Variants in MAST4 observed in about 807,000 individuals in gnomAD.
MAST4 encodes microtubule-associated serine/threonine-protein kinase 4.
Under a neutral mutation model 162.7 loss-of-function variants are expected in MAST4, and 89 were observed. The observed-to-expected ratio is 0.55, with a 90% CI of 0.46 to 0.65. The LOEUF is 0.65. Among genes scored for constraint, MAST4 ranks in the 30% least tolerant of loss-of-function variants. The probability of loss-of-function intolerance (pLI) is 0.00; values close to 1 mark genes in which losing one functional copy is unlikely to be tolerated. For synonymous variants in MAST4, 1,479 were observed against 1,361.1 expected (o/e 1.09, Z -1.91); for missense variants, 3,153 against 3,374.0 (o/e 0.93, Z 1.62).
intron 5 of MAST4, among the ~76,000 whole-genome samples, chr5:67,088,969 T>C (rs1763548800): frequency 6.6e-6 from 1 of 152,256 alleles, no homozygotes; most frequent in South Asian, 2.1e-4. Context: ...AGTCTATTCT[T>C]TCTGCACACT....
chr5:67,093,642 G>A lies in MAST4; in HGVS notation c.834-1955G>A, dbSNP rs745940388. ...TGTGTGTTTTCTGGAGCAAGCAAAT[G>A]TAATTTATGCTTCAGAACTAATAAG... On this transcript the variant is annotated intron_variant, in intron 6 of 28. Coordinates refer to ENST00000403625, the MANE Select transcript of MAST4 (RefSeq NM_001164664.2). 8.6e-6 allele frequency: 4 copies of A among 465,210 alleles called. No homozygotes were observed. The East Asian group carries it at 2.5e-4, about 29-fold the overall frequency. 28.8% of individuals were successfully genotyped at this position (465,210 alleles called of 1,614,324 possible). A position where few individuals can be genotyped will look rare whatever the true frequency, so the allele number is the denominator to read the frequency against.
intron 3 of MAST4, among the ~76,000 whole-genome samples, chr5:66,816,646 C>T (rs1489705549): frequency 2.0e-5 from 3 of 152,052 alleles, no homozygotes; most frequent in African/African-American, 7.2e-5. Flanking sequence ...GAGCCAGGCC[C>T]ACTGTACCCC....
At chr5:66,792,215 T>C (rs1232791036) in intron 3 of MAST4, 1 of 167,874 alleles carries the variant, frequency 6.0e-6, no homozygotes, top group Non-Finnish European at 1.5e-5. Flanking sequence ...TCAAACAAAT[T>C]GACATTTGCG....
chr5:67,166,325 A>G lies in MAST4; in HGVS notation c.7146A>G (p.Ala2382=). The G allele has an allele frequency of 6.3e-7, 1 of 1,593,746 alleles. No individual in the cohort carries two copies. Among genetic ancestry groups the G allele is most frequent in the Non-Finnish European group, 8.5e-7 (1 of 1,169,690 alleles). ...GCACTGAAGCACTTTATGCTCCAGC[A>G]GAGGGCGACAAGCTCGAGGCCGGCC... ...KKCTEALYAP[A]EGDKLEAGLS... Residue 2382 remains alanine, a synonymous_variant, in exon 29 of 29, where the codon GCA becomes GCG. Transcript: ENST00000403625.
intron 7 of MAST4, among the ~76,000 whole-genome samples, chr5:67,095,976 A>G (rs1764419202): frequency 6.6e-6 from 1 of 151,756 alleles, no homozygotes; most frequent in Non-Finnish European, 1.5e-5. Flanking sequence ...AACACAATCT[A>G]GTTTTATTGC....
intron 1 of MAST4, among the ~76,000 whole-genome samples, chr5:66,686,896 A>G (rs1748695084): frequency 1.3e-5 from 2 of 152,184 alleles, no homozygotes; most frequent in African/African-American, 4.8e-5. Context: ...TAAGAGTATC[A>G]CCATTGTATG....
intron 4 of MAST4, among the ~76,000 whole-genome samples, chr5:66,938,740 T>G (rs1033839461): frequency 2.0e-5 from 3 of 152,204 alleles, no homozygotes; most frequent in Non-Finnish European, 4.4e-5. Flanking sequence ...AGAGCATGTG[T>G]TCTCAGTAGG....
intron 4 of MAST4, among the ~76,000 whole-genome samples, chr5:66,903,384 G>A (rs1311151381): frequency 1.7e-5 from 2 of 115,582 alleles, no homozygotes; most frequent in Non-Finnish European, 3.5e-5. Flanking sequence ...AAGTATTTAT[G>A]TAGATTTTTA....
In MAST4 at chr5:66,596,962, G is replaced by C. The variant is rs1404297617; in HGVS notation, c.307G>C (p.Ala103Pro). Residue 103 changes from alanine to proline, a missense_variant, in exon 1 of 29, where the codon GCT becomes CCT. Physicochemically the swap from Ala to Pro is conservative, Grantham distance 27. Around this residue, in one of 7 missense-constraint regions of MAST4, gnomAD observed 327 missense variants for 336.5 expected, o/e 0.97. Coordinates refer to ENST00000403625, the MANE Select transcript of MAST4 (RefSeq NM_001164664.2). Reference sequence around the variant, plus strand: ...GCTGCCGCCGCCGCTTCCCGGAGGAGCTGTGCCGCCCGCGCCCCGGGGCAG... The same window carrying C: ...GCTGCCGCCGCCGCTTCCCGGAGGACCTGTGCCGCCCGCGCCCCGGGGCAG... ...LALPPPLPGG[A>P]VPPAPRGSSA... 1.4e-6 allele frequency: 2 copies of C among 1,441,840 alleles called. No homozygotes were observed. The highest frequency in any genetic ancestry group is 3.0e-5 in the East Asian group (1 of 32,990). 89.3% of individuals were successfully genotyped at this position (1,441,840 alleles called of 1,614,324 possible).
chr5:66,753,141 C>T (rs1435054418), intron 1 of MAST4, among the ~76,000 whole-genome samples: 11 of 152,036 alleles, frequency 7.2e-5, no homozygotes, highest in Admixed American at 5.9e-4. Context: ...CTCTGGGACG[C>T]ATTCAAAGCA....
rs568703560 is a variant in MAST4, at chr5:67,103,786, G to A, written c.1147-580G>A. On this transcript the variant is annotated intron_variant, in intron 9 of 28. Coordinates refer to ENST00000403625, the MANE Select transcript of MAST4 (RefSeq NM_001164664.2). ...GGTTGTGGAACTCTAGCAACAACCT[G>A]ATGTTTAAGTACAAAAACATAAAGA... Among the ~76,000 whole-genome samples the A allele has an allele frequency of 2.6e-5, 4 of 152,304 alleles. No homozygotes were observed. The East Asian group carries it at 7.7e-4, about 29-fold the overall frequency.
intron 1 of MAST4, among the ~76,000 whole-genome samples, chr5:66,731,404 A>G (rs1751844123): frequency 6.6e-6 from 1 of 152,208 alleles, no homozygotes; most frequent in Non-Finnish European, 1.5e-5. Flanking sequence ...AGAGCATCCA[A>G]TGAGATGGCA....
intron 1 of MAST4, among the ~76,000 whole-genome samples, chr5:66,634,372 T>TC (rs1744973191): frequency 6.6e-6 from 1 of 151,960 alleles, no homozygotes; most frequent in Admixed American, 6.6e-5. Flanking sequence ...GTTTGTTTTT[T>TC]CTTAGGAACA....
At position 66,596,811 on chromosome 5, in the gene MAST4, G is replaced by A. The variant is rs763121872; in HGVS notation, c.156G>A (p.Gly52=). 1.5e-6 allele frequency: 2 copies of A among 1,320,568 alleles called. No homozygotes were observed. The highest frequency in any genetic ancestry group is 9.7e-7 in the Non-Finnish European group (1 of 1,032,920). The allele number at this position is 1,320,568 out of a possible 1,614,324, so 81.8% of individuals were successfully genotyped here. Residue 52 remains glycine (G), a synonymous_variant, in exon 1 of 29, where the codon GGG becomes GGA. Transcript: ENST00000403625. ...GCTCAGAAACTCTGTCGGAGGAAGG[G>A]GAGCCCGGCGGCTTCTCCAGAGAGC... ...SSGSETLSEE[G]EPGGFSREHQ...
chr5:67,081,441 ATGAT>A (rs910191625), intron 5 of MAST4, among the ~76,000 whole-genome samples: 28 of 152,106 alleles, frequency 1.8e-4, no homozygotes, highest in African/African-American at 6.5e-4. Context: ...TCGAACTAGT[ATGAT>A]TGAGACAAGG....
At chr5:66,826,835 C>G (rs1181254594) in intron 3 of MAST4, among the ~76,000 whole-genome samples, 11 of 152,194 alleles carry the variant, frequency 7.2e-5, no homozygotes, top group Non-Finnish European at 1.0e-4. Context: ...AGCAATGACA[C>G]TGTAAGCTGG....
chr5:66,600,631 A>G (rs1742493014), intron 1 of MAST4, among the ~76,000 whole-genome samples: 1 of 152,246 alleles, frequency 6.6e-6, no homozygotes, highest in South Asian at 2.1e-4. Flanking sequence ...ACCTGTGTGT[A>G]TTCATTGATT....
Position 67,104,388 on chromosome 5 carries a change from G to A in MAST4, c.1169G>A (p.Arg390His), listed in dbSNP as rs767646900. ...TAGGCTACAGCTCAGATGGAAGAAC[G>A]TCTAAAGGAAATTATCACCAGCTAC... The part of the protein sequence containing the change: ...FPKATAQMEE[R>H]LKEIITSYSP... Residue 390 changes from arginine to histidine, a missense_variant, in exon 10 of 29, where the codon CGT (arginine) becomes CAT (histidine). Around this residue, in one of 7 missense-constraint regions of MAST4, gnomAD observed 360 missense variants for 450.0 expected, o/e 0.80. Coordinates refer to ENST00000403625, the MANE Select transcript of MAST4 (RefSeq NM_001164664.2). 14 of 1,613,576 alleles carry A rather than the reference G, an allele frequency of 8.7e-6. No individual in the cohort carries two copies. The Admixed American group carries it at 1.8e-4, about 21-fold the overall frequency.
At chr5:66,977,241 C>T (rs1433726784) in intron 4 of MAST4, among the ~76,000 whole-genome samples, 1 of 152,140 alleles carries the variant, frequency 6.6e-6, no homozygotes, top group Non-Finnish European at 1.5e-5. Flanking sequence ...GCTGGGATTA[C>T]AGGCATGCGC....
Sources: allele counts gnomAD v4.1 joint callset (sites outside exome capture counted in the v4.1 genomes callset), GRCh38; gene constraint gnomAD v4.1.1; regional missense constraint gnomAD v4.1.1; transcripts MANE v1.5; gene names NCBI Gene and HGNC (gene_info 2026-07-23, HGNC 2026-07-21).